Variants in LARGE1 observed in about 807,000 individuals in gnomAD.
LARGE1 encodes the protein LARGE xylosyl- and glucuronyltransferase 1, also known as xylosyl- and glucuronyltransferase LARGE1.
Under a neutral mutation model 87.6 loss-of-function variants are expected in LARGE1, and 43 were observed. That is an observed-to-expected ratio of 0.49 (90% CI 0.38 to 0.63). The LOEUF (loss-of-function observed/expected upper bound fraction) is 0.63. Ranked by LOEUF, LARGE1 falls within the 30% of genes least tolerant of loss-of-function variation. LARGE1 has a pLI of 0.00. For synonymous variants in LARGE1, 434 were observed against 394.6 expected, an observed-to-expected ratio of 1.10 and a Z score of -1.18; for missense variants, 802 against 1,000.2, an observed-to-expected ratio of 0.80 and a Z score of 2.67.
chr22:33,547,991 C>A (rs1318651175), intron 6 of LARGE1, among the ~76,000 whole-genome samples: 1 of 152,022 alleles, frequency 6.6e-6, no homozygotes. Flanking sequence ...CCGACCAACC[C>A]TACCCCACCC....
chr22:33,763,620 T>C (rs2084803832), intron 1 of LARGE1, among the ~76,000 whole-genome samples: 1 of 152,182 alleles, frequency 6.6e-6, no homozygotes, highest in South Asian at 2.1e-4. Flanking sequence ...CAAGCCCAGA[T>C]GCTGCACTTG....
chr22:33,215,480 A>T (rs1488487705), intron 11 of LARGE1, among the ~76,000 whole-genome samples: 1 of 152,274 alleles, frequency 6.6e-6, no homozygotes, highest in African/African-American at 2.4e-5. Context: ...GACCTTAATT[A>T]TTTATGTAGA....
At chr22:33,666,201 G>T (rs149244018) in intron 2 of LARGE1, among the ~76,000 whole-genome samples, 2 of 152,294 alleles carry the variant, frequency 1.3e-5, no homozygotes, top group East Asian at 3.9e-4. Flanking sequence ...AATAACAAGA[G>T]AATCCAAATC....
chr22:33,223,915 C>T (rs1214265450), intron 11 of LARGE1, among the ~76,000 whole-genome samples: 1 of 152,172 alleles, frequency 6.6e-6, no homozygotes, highest in Non-Finnish European at 1.5e-5. Context: ...CTCACCCAGC[C>T]CCACCATTGG....
intron 9 of LARGE1, among the ~76,000 whole-genome samples, chr22:33,362,454 G>A (rs1569094621): frequency 2.0e-5 from 3 of 149,658 alleles, no homozygotes; most frequent in African/African-American, 7.4e-5. Context: ...CCTCTTCAGT[G>A]AAAACACCTC....
chr22:33,434,634 C>G lies in LARGE1; in HGVS notation c.788-2369G>C, dbSNP rs35610099. ...CTTTTATTGAATTTAGGGGGTCCAT[C>G]TAAATTTCAGGTAAGGTCATCTTCA... On this transcript the variant is annotated intron_variant, in intron 6 of 14. Transcript: ENST00000397394. 1.3e-3 allele frequency among the ~76,000 whole-genome samples: 200 copies of G among 152,246 alleles called. 1 individual carries two copies. Among genetic ancestry groups the G allele is most frequent in the Non-Finnish European group, 1.9e-3 (132 of 67,998 alleles).
intron 2 of LARGE1, among the ~76,000 whole-genome samples, chr22:33,677,715 A>T (rs1603106064): frequency 1.3e-5 from 2 of 151,766 alleles, no homozygotes; most frequent in Non-Finnish European, 2.9e-5. Flanking sequence ...GGGAACAAGG[A>T]TGCCTGCCAA....
At chr22:33,413,388 A>G (rs1187440920) in intron 7 of LARGE1, among the ~76,000 whole-genome samples, 1 of 151,924 alleles carries the variant, frequency 6.6e-6, no homozygotes, top group Admixed American at 6.5e-5. Context: ...TTTTATATAT[A>G]TGCCATATGA....
intron 7 of LARGE1, among the ~76,000 whole-genome samples, chr22:33,395,683 G>A (rs2065716022): frequency 6.6e-6 from 1 of 152,176 alleles, no homozygotes; most frequent in Non-Finnish European, 1.5e-5. Flanking sequence ...GGAGGAGAAA[G>A]TAGGGACCAA....
intron 4 of LARGE1, among the ~76,000 whole-genome samples, chr22:33,623,092 T>C (rs970214938): frequency 8.6e-5 from 13 of 151,896 alleles, no homozygotes; most frequent in Non-Finnish European, 1.3e-4. Flanking sequence ...AATAGCGTAA[T>C]TGAATACCTG....
intron 1 of LARGE1, among the ~76,000 whole-genome samples, chr22:33,762,712 C>T (rs1242511716): frequency 6.6e-6 from 1 of 152,188 alleles, no homozygotes; most frequent in African/African-American, 2.4e-5. Flanking sequence ...GAAGAGGGAG[C>T]AGGTTGGTGC....
chr22:33,735,333 G>A (rs2083616952), intron 2 of LARGE1, among the ~76,000 whole-genome samples: 1 of 152,172 alleles, frequency 6.6e-6, no homozygotes. Context: ...AATATAAGCT[G>A]GATTTCTAAA....
At chr22:33,906,598 C>A (rs181314344) in intron 1 of LARGE1, among the ~76,000 whole-genome samples, 95 of 152,300 alleles carry the variant, frequency 6.2e-4, no homozygotes, top group Admixed American at 2.5e-3. Context: ...AAGGAAGGGG[C>A]CTTTCCTATC....
chr22:33,491,294 A>G (rs1418049344), intron 6 of LARGE1, among the ~76,000 whole-genome samples: 3 of 152,216 alleles, frequency 2.0e-5, no homozygotes, highest in African/African-American at 7.2e-5. Flanking sequence ...GTAATAATGT[A>G]AAAATACAAT....
At chr22:33,173,951 G>A (rs559463794) in intron 11 of LARGE1, among the ~76,000 whole-genome samples, 1 of 152,252 alleles carries the variant, frequency 6.6e-6, no homozygotes, top group African/African-American at 2.4e-5. Flanking sequence ...AGATCAACAT[G>A]AATATTCAGG....
intron 10 of LARGE1, among the ~76,000 whole-genome samples, chr22:33,336,199 T>C (rs950265751): frequency 1.6e-4 from 25 of 152,118 alleles, no homozygotes; most frequent in African/African-American, 5.8e-4. Context: ...CATGTAAGTT[T>C]GTTGTTATTG....
intron 10 of LARGE1, among the ~76,000 whole-genome samples, chr22:33,333,193 G>A (rs1292070989): frequency 6.6e-6 from 1 of 151,886 alleles, no homozygotes; most frequent in Admixed American, 6.6e-5. Flanking sequence ...CTATTTTTTT[G>A]TATTTTTAGA....
intron 1 of LARGE1, among the ~76,000 whole-genome samples, chr22:33,857,360 G>A (rs912580011): frequency 2.0e-5 from 3 of 152,184 alleles, no homozygotes; most frequent in Admixed American, 1.3e-4. Flanking sequence ...CAGACAGCTG[G>A]GAAGCCCCAA....
chr22:33,907,398 G>A (rs1010229081), intron 1 of LARGE1, among the ~76,000 whole-genome samples: 1 of 152,186 alleles, frequency 6.6e-6, no homozygotes, highest in Non-Finnish European at 1.5e-5. Flanking sequence ...TCCCTAGCCA[G>A]TCCCCATCAC....
Sources: allele counts gnomAD v4.1 joint callset (sites outside exome capture counted in the v4.1 genomes callset), GRCh38; gene constraint gnomAD v4.1.1; transcripts MANE v1.5; gene names NCBI Gene and HGNC (gene_info 2026-07-23, HGNC 2026-07-21).